Variants in DCST2 observed in about 807,000 individuals in gnomAD.
The protein encoded by DCST2 is DC-STAMP domain-containing protein 2.
In DCST2, 64 loss-of-function variants were observed where a neutral mutation model predicts 81.8. The ratio of observed to expected loss-of-function variants is 0.78; its 90% CI spans 0.64 to 0.96. The LOEUF (loss-of-function observed/expected upper bound fraction) is 0.96. Among genes scored for constraint, DCST2 ranks in the 40% least tolerant of loss-of-function variants. The pLI, the probability that DCST2 is intolerant of heterozygous loss-of-function variation, is 0.00. For missense variants in DCST2, 945 were observed against 1,001.4 expected (o/e 0.94, Z 0.76); for synonymous variants, 354 against 402.6 (o/e 0.88, Z 1.44).
intron 6 of DCST2, 88 bp downstream of exon 6, chr1:155,030,344 C>A: frequency 6.3e-7 from 1 of 1,594,106 alleles, no homozygotes; most frequent in South Asian, 1.1e-5. Flanking sequence ...TCCCTGGATG[C>A]TGGGGCAGGG....
chr1:155,024,451 T>C, intron 11 of DCST2, 21 bp downstream of exon 11: 1 of 1,582,304 alleles, frequency 6.3e-7, no homozygotes, highest in Middle Eastern at 1.7e-4. Flanking sequence ...CCCACCCCTA[T>C]AGAAAAGACA....
At position 155,018,641 on chromosome 1, in the gene DCST2, G is replaced by T; in HGVS notation, c.2225C>A (p.Ser742Tyr). The T allele has an allele frequency of 6.2e-7, 1 of 1,613,930 alleles. No homozygotes were observed. The highest frequency in any genetic ancestry group is 8.5e-7 in the Non-Finnish European group (1 of 1,179,898). Reference sequence around the variant, plus strand: ...AGTGGGGGCTCCTTTAGTGGCGGAGGATGTCTCAGGTGGTCTGTGGGGCTC... The same window carrying T: ...AGTGGGGGCTCCTTTAGTGGCGGAGTATGTCTCAGGTGGTCTGTGGGGCTC... ...SPEPHRPPETSSATKGAPTPA... is the reference protein window; with the variant it reads ...SPEPHRPPETYSATKGAPTPA... Residue 742 changes from serine to tyrosine, a missense_variant, in exon 15 of 15, where the codon TCC becomes TAC. Coordinates refer to ENST00000368424, the MANE Select transcript of DCST2 (RefSeq NM_144622.3).
Position 155,023,155 on chromosome 1 carries a change from G to A in DCST2, c.2067C>T (p.Leu689=), listed in dbSNP as rs201091113. 1.2e-5 allele frequency: 19 copies of A among 1,613,796 alleles called. No individual in the cohort carries two copies. The highest frequency in any genetic ancestry group is 1.7e-4 in the Middle Eastern group (1 of 6,006). The change falls in exon 14 of 15, where the codon CTC becomes CTT. Residue 689 remains leucine (L), a synonymous_variant. Transcript: ENST00000368424. ...TGGACTCCATTGAGAGGCTCCTGCCGAGCACTTCTTGGAGCTGTTGCTGCA... is the reference window on the plus strand; with the variant it reads ...TGGACTCCATTGAGAGGCTCCTGCCAAGCACTTCTTGGAGCTGTTGCTGCA... ...WLLQQQLQEV[L]GRSLSMESTS...
intron 14 of DCST2, among the ~76,000 whole-genome samples, chr1:155,021,001 T>A (rs1372273715): frequency 6.6e-6 from 1 of 151,628 alleles, no homozygotes; most frequent in African/African-American, 2.4e-5. Flanking sequence ...TTTTGTATTA[T>A]TACCTATTTA....
Position 155,030,163 on chromosome 1 carries a change from C to T in DCST2, c.1098G>A (p.Met366Ile). The T allele has an allele frequency of 6.2e-7, 1 of 1,614,198 alleles. No individual in the cohort carries two copies. The highest frequency in any genetic ancestry group is 8.5e-7 in the Non-Finnish European group (1 of 1,180,022). ...NIYITSRFLR[M>I]EAVRSTAGLP... The stretch of plus-strand genomic sequence containing the variant: ...GCCCTGCCGTGGAGCGCACAGCCTC[C>T]ATGCGCAGGAATCGGCTAGTGATGT... Residue 366 changes from methionine (M) to isoleucine (I), a missense_variant, in exon 7 of 15, where the codon ATG becomes ATA. Physicochemically the swap from Met to Ile is conservative, Grantham distance 10 (BLOSUM62 1). Transcript: ENST00000368424.
At chr1:155,033,396 C>A (rs1429720382) in intron 1 of DCST2, 38 bp downstream of exon 1, 2 of 1,604,904 alleles carry the variant, frequency 1.2e-6, no homozygotes, top group Non-Finnish European at 1.7e-6. Context: ...CAGCACCAGC[C>A]CCAGGACCTG....
At chr1:155,030,950 T>G in intron 5 of DCST2, 1 of 621,176 alleles carries the variant, frequency 1.6e-6, no homozygotes, top group South Asian at 2.1e-5. Context: ...TCCCAGCTCC[T>G]GCTCTCAGGG....
At chr1:155,025,690 T>TTTTTG (rs1190468029) in intron 10 of DCST2, among the ~76,000 whole-genome samples, 10 of 151,312 alleles carry the variant, frequency 6.6e-5, no homozygotes, top group African/African-American at 9.7e-5. Flanking sequence ...CCACCATGTT[T>TTTTTG]TTTTGTTTTG....
intron 2 of DCST2, 65 bp from the exon 3 acceptor site, chr1:155,032,833 C>T: frequency 2.7e-6 from 4 of 1,465,662 alleles, no homozygotes; most frequent in African/African-American, 2.8e-5. Flanking sequence ...TCACCATTGC[C>T]CCTTAAGCAG....
chr1:155,019,641 T>G (rs1006277272), intron 14 of DCST2, among the ~76,000 whole-genome samples: 1 of 152,202 alleles, frequency 6.6e-6, no homozygotes, highest in Non-Finnish European at 1.5e-5. Context: ...TAGCCCCTCC[T>G]CTTCCCCAGT....
intron 12 of DCST2, 23 bp from the exon 13 acceptor site, chr1:155,023,480 G>A: frequency 6.4e-7 from 1 of 1,568,760 alleles, no homozygotes. Context: ...ATGGGGAATG[G>A]AGGTGAACCC....
Position 155,030,129 on chromosome 1 carries a change from C to T in DCST2, c.1132G>A (p.Val378Met). 6.2e-7 allele frequency: 1 copy of T among 1,614,112 alleles called. No homozygotes were observed. The highest frequency in any genetic ancestry group is 8.5e-7 in the Non-Finnish European group (1 of 1,180,016). The change falls in exon 7 of 15, where the codon GTG becomes ATG. Residue 378 changes from valine (V) to methionine (M), a missense_variant. By Grantham distance (21) the Val-to-Met change is conservative (BLOSUM62 1). Coordinates refer to ENST00000368424, the MANE Select transcript of DCST2 (RefSeq NM_144622.3). ...GCCTCGTGAGCACTGAGCGGTAGCA[C>T]TGTGGGCAGCCCTGCCGTGGAGCGC... ...AVRSTAGLPT[V>M]LPLSAHEARR...
chr1:155,026,767 A>C, intron 8 of DCST2, 52 bp from the exon 9 acceptor site: 1 of 1,603,352 alleles, frequency 6.2e-7, no homozygotes, highest in South Asian at 1.1e-5. Flanking sequence ...CTATGCAGAA[A>C]ACCCCACACC....
chr1:155,021,319 T>C (rs1659750897), intron 14 of DCST2, among the ~76,000 whole-genome samples: 1 of 152,066 alleles, frequency 6.6e-6, no homozygotes, highest in Non-Finnish European at 1.5e-5. Context: ...GTATTTTTAG[T>C]AGAGATGGAG....
At chr1:155,021,193 G>T (rs1023015034) in intron 14 of DCST2, among the ~76,000 whole-genome samples, 1 of 151,826 alleles carries the variant, frequency 6.6e-6, no homozygotes, top group Admixed American at 6.6e-5. Context: ...TAGAGATGGG[G>T]TTTCACTATG....
intron 7 of DCST2, 92 bp from the exon 8 acceptor site, chr1:155,029,489 G>A: frequency 8.0e-7 from 1 of 1,244,046 alleles, no homozygotes; most frequent in Non-Finnish European, 1.1e-6. Flanking sequence ...CCCTAATCAG[G>A]TGTGGGCCCG....
chr1:155,020,558 GGTTTTAC>G (rs1203366835), intron 14 of DCST2, among the ~76,000 whole-genome samples: 6 of 152,054 alleles, frequency 3.9e-5, no homozygotes, highest in African/African-American at 1.4e-4. Context: ...GTAGAGACAA[GGTTTTAC>G]CATGTTGGCC....
At position 155,031,593 on chromosome 1, in the gene DCST2, C is replaced by A. The variant is rs1310720376; in HGVS notation, c.720G>T (p.Ala240=). The stretch of plus-strand genomic sequence containing the variant: ...TCTCACGGCTGGCAAGTCCACAGAG[C>A]GCCAGTTTGAAGGGCATGAGCACGT... ...LCYVLMPFKL[A]LCGLASLVQV... The change falls in exon 4 of 15, where the codon GCG becomes GCT. Residue 240 remains alanine (A), a synonymous_variant. Transcript: ENST00000368424. The A allele has an allele frequency of 1.2e-6, 2 of 1,606,446 alleles. No individual in the cohort carries two copies. The highest frequency in any genetic ancestry group is 1.7e-5 in the Admixed American group (1 of 59,284).
chr1:155,023,418 G>T lies in DCST2; in HGVS notation c.1910C>A (p.Thr637Asn). 6.2e-7 allele frequency: 1 copy of T among 1,606,090 alleles called. No homozygotes were observed. The highest frequency in any genetic ancestry group is 8.5e-7 in the Non-Finnish European group (1 of 1,176,166). The change falls in exon 13 of 15, where the codon ACC (threonine) becomes AAC (asparagine). Residue 637 changes from threonine to asparagine, a missense_variant. Thr to Asn is a moderately conservative substitution (Grantham distance 65). Coordinates refer to ENST00000368424, the MANE Select transcript of DCST2 (RefSeq NM_144622.3). ...CLTCFRLLDN[T>N]CSVCASPLSY... ...GAGGGGAGATGCACACACGGAGCAGGTATTGTCCAGGAGGCGGAAGCAAGT... is the reference window on the plus strand; with the variant it reads ...GAGGGGAGATGCACACACGGAGCAGTTATTGTCCAGGAGGCGGAAGCAAGT...
Sources: gnomAD v4.1 joint callset for allele counts (sites outside exome capture counted in the v4.1 genomes callset) on GRCh38, gnomAD v4.1.1 for gene constraint, MANE v1.5 for transcripts, NCBI Gene and HGNC (gene_info 2026-07-23, HGNC 2026-07-21) for gene names.